The following MEI4 variants were observed in gnomAD, a reference collection of about 807,000 sequenced individuals.
MEI4 encodes the protein meiosis-specific protein MEI4.
A neutral mutation model predicts 31.4 loss-of-function variants in MEI4; 27 were observed. The ratio of observed to expected loss-of-function variants is 0.86; its 90% CI spans 0.63 to 1.19. MEI4 has a LOEUF of 1.19. MEI4 is among the 50% of genes most tolerant of loss of function. The pLI is 0.00. For synonymous variants in MEI4, 122 were observed against 145.4 expected (o/e 0.84, Z 1.16); for missense variants, 329 against 398.9 (o/e 0.82, Z 1.49).
rs1012009181 is a variant in MEI4 at position 77,867,768 on chromosome 6, G to A, written c.900+38706G>A. ...TGCTGCTATAAAGACACATGCACAC[G>A]TGTGTTTATTGTGGCACTATTCACA... On this transcript the variant is annotated intron_variant, in intron 4 of 4. Coordinates refer to ENST00000684080, the MANE Select transcript of MEI4 (RefSeq NM_001322247.2). Among the ~76,000 whole-genome samples the A allele has an allele frequency of 4.6e-5, 7 of 152,116 alleles. No homozygotes were observed. The East Asian group carries it at 5.8e-4, about 13-fold the overall frequency.
chr6:77,769,090 G>C (rs1768244885), intron 3 of MEI4, among the ~76,000 whole-genome samples: 2 of 152,158 alleles, frequency 1.3e-5, no homozygotes, highest in Admixed American at 1.3e-4. Context: ...ATTAAGGAAA[G>C]AGGCATGGAA....
intron 2 of MEI4, among the ~76,000 whole-genome samples, chr6:77,726,910 G>T (rs1766840085): frequency 6.6e-6 from 1 of 151,648 alleles, no homozygotes; most frequent in Non-Finnish European, 1.5e-5. Context: ...TTTGAAATTG[G>T]TGCTTTAAAT....
chr6:77,872,433 A>G (rs1278835706), intron 4 of MEI4, among the ~76,000 whole-genome samples: 1 of 152,052 alleles, frequency 6.6e-6, no homozygotes, highest in East Asian at 1.9e-4. Flanking sequence ...CCCAACCTGA[A>G]CAACTTAACA....
chr6:77,758,177 A>G (rs1767959775), intron 2 of MEI4, among the ~76,000 whole-genome samples: 1 of 150,964 alleles, frequency 6.6e-6, no homozygotes, highest in Non-Finnish European at 1.5e-5. Context: ...AAAAAAAGAA[A>G]GAAAGAAATA....
intron 4 of MEI4, among the ~76,000 whole-genome samples, chr6:77,914,842 G>A (rs542823719): frequency 6.6e-6 from 1 of 151,452 alleles, no homozygotes; most frequent in African/African-American, 2.4e-5. Context: ...ACTTTTTTTT[G>A]ACTTAAAGTC....
intron 1 of MEI4, among the ~76,000 whole-genome samples, chr6:77,664,069 C>T (rs1768571967): frequency 6.6e-6 from 1 of 152,226 alleles, no homozygotes. Context: ...CGTTGCGATT[C>T]AGGCGTTTGG....
At chr6:77,900,982 GATAATTTAACTTAAC>G (rs958376977) in intron 4 of MEI4, among the ~76,000 whole-genome samples, 4 of 151,798 alleles carry the variant, frequency 2.6e-5, no homozygotes, top group Non-Finnish European at 5.9e-5. Context: ...TTTGTGCCTG[GATAATTTAACTTAAC>G]ATAATGTCCT....
At chr6:77,707,278 T>C (rs1766354452) in intron 2 of MEI4, among the ~76,000 whole-genome samples, 1 of 152,214 alleles carries the variant, frequency 6.6e-6, no homozygotes, top group Admixed American at 6.5e-5. Flanking sequence ...GTTCATGCCC[T>C]ACGGATCTGT....
rs1197857014 is a variant in MEI4, at chr6:77,842,450, G to GAAATATAT, written c.900+13388_900+13389insAAATATAT. Among the ~76,000 whole-genome samples the GAAATATAT allele has an allele frequency of 5.2e-3, 785 of 152,100 alleles. 7 individuals carry two copies. The highest frequency in any genetic ancestry group is 0.018 in the African/African-American group (767 of 41,526). On this transcript the variant is annotated intron_variant, in intron 4 of 4. Coordinates refer to ENST00000684080, the MANE Select transcript of MEI4 (RefSeq NM_001322247.2). ...GGATTTATGCTTGTCATTGAAGGGA[G>GAAATATAT]GTTTTAAATCAATAATATAAGAAAC...
chr6:77,731,380 G>A (rs1157294387), intron 2 of MEI4, among the ~76,000 whole-genome samples: 1 of 151,502 alleles, frequency 6.6e-6, no homozygotes, highest in African/African-American at 2.4e-5. Context: ...GATGGCCAGT[G>A]ATGGTGAGCA....
chr6:77,901,149 T>C (rs1311222244), intron 4 of MEI4, among the ~76,000 whole-genome samples: 1 of 152,166 alleles, frequency 6.6e-6, no homozygotes, highest in African/African-American at 2.4e-5. Context: ...CCTATGTTGG[T>C]TGTTGTGAAT....
chr6:77,665,153 G>T (rs975789447), intron 1 of MEI4, among the ~76,000 whole-genome samples: 1 of 151,854 alleles, frequency 6.6e-6, no homozygotes, highest in African/African-American at 2.4e-5. Flanking sequence ...TAAGGGATGG[G>T]GTGCAGAAAT....
intron 4 of MEI4, among the ~76,000 whole-genome samples, chr6:77,846,978 G>T (rs1013672565): frequency 1.1e-4 from 16 of 152,012 alleles, no homozygotes; most frequent in Non-Finnish European, 2.9e-5. Flanking sequence ...TCATTTTTCC[G>T]TCATAGATTC....
At position 77,669,484 on chromosome 6, in the gene MEI4, A is replaced by G. The variant is rs144056278; in HGVS notation, c.-15+16392A>G. 3.3e-3 allele frequency among the ~76,000 whole-genome samples: 497 copies of G among 152,294 alleles called. 3 individuals carry two copies. The highest frequency in any genetic ancestry group is 0.011 in the African/African-American group (471 of 41,566). On this transcript the variant is annotated intron_variant, in intron 1 of 4. Transcript: ENST00000684080. Reference sequence around the variant, plus strand: ...TGTAATATGAAATGATTAGGCTAAGAAGCTGACTTTTTAAGGGTTTATTAT... The same window carrying G: ...TGTAATATGAAATGATTAGGCTAAGGAGCTGACTTTTTAAGGGTTTATTAT...
At chr6:77,709,243 G>A (rs553141314) in intron 2 of MEI4, among the ~76,000 whole-genome samples, 44 of 152,210 alleles carry the variant, frequency 2.9e-4, no homozygotes, top group African/African-American at 9.4e-4. Context: ...TGTTTCTTAC[G>A]TTTCAAAAAG....
chr6:77,912,510 T>G (rs1766455444), intron 4 of MEI4, among the ~76,000 whole-genome samples: 1 of 152,126 alleles, frequency 6.6e-6, no homozygotes, highest in African/African-American at 2.4e-5. Flanking sequence ...AGTCTGTAGT[T>G]GTCCTTGTAA....
Position 77,761,743 on chromosome 6 carries a change from G to C in MEI4, c.768+78G>C, listed in dbSNP as rs894383984. ...ATCTCTTTGGGTAATGTCTGTTGTT[G>C]TCCCTTAGCCTTGTGGCTCAAGGAA... On this transcript the variant is annotated intron_variant, in intron 3 of 4. Coordinates refer to ENST00000684080, the MANE Select transcript of MEI4 (RefSeq NM_001322247.2). 9.7e-6 allele frequency: 10 copies of C among 1,025,872 alleles called. No homozygotes were observed. In the East Asian group the frequency reaches 3.3e-4, roughly 33 times the overall value. 63.5% of individuals were successfully genotyped at this position (1,025,872 alleles called of 1,614,324 possible).
At chr6:77,652,456 T>C (rs1768317260), upstream of MEI4, among the ~76,000 whole-genome samples, 1 of 152,162 alleles carries the variant, frequency 6.6e-6, no homozygotes, top group African/African-American at 2.4e-5. Context: ...GTATATATTT[T>C]TTCTTTTTTT....
chr6:77,774,810 C>G (rs974657221), intron 3 of MEI4, among the ~76,000 whole-genome samples: 1 of 152,016 alleles, frequency 6.6e-6, no homozygotes, highest in Non-Finnish European at 1.5e-5. Flanking sequence ...GGTATGTTGC[C>G]TACTGTATTA....
Sources: gnomAD v4.1 joint callset for allele counts (sites outside exome capture counted in the v4.1 genomes callset) on GRCh38, gnomAD v4.1.1 for gene constraint, MANE v1.5 for transcripts, NCBI Gene and HGNC (gene_info 2026-07-23, HGNC 2026-07-21) for gene names.